Variants in ATP9B observed in about 807,000 individuals in gnomAD.
ATP9B encodes probable phospholipid-transporting ATPase IIB.
ATP9B carries 110 observed loss-of-function variants against 146.1 expected under a neutral mutation model. That is an observed-to-expected ratio of 0.75 (90% CI 0.65 to 0.88). ATP9B has a LOEUF of 0.88. Among genes scored for constraint, ATP9B ranks in the 40% least tolerant of loss-of-function variants. The pLI, the probability that ATP9B is intolerant of heterozygous loss-of-function variation, is 0.00. For synonymous variants in ATP9B, 604 were observed against 569.7 expected (o/e 1.06, Z -0.86); for missense variants, 1,499 against 1,496.4 (o/e 1.00, Z -0.03).
At chr18:79,133,952 C>T (rs1381656636) in intron 5 of ATP9B, among the ~76,000 whole-genome samples, 3 of 152,240 alleles carry the variant, frequency 2.0e-5, no homozygotes, top group African/African-American at 7.2e-5. Context: ...GGACTCCTCA[C>T]TGCTGATACT....
At chr18:79,328,694 T>C (rs1365084886) in intron 15 of ATP9B, among the ~76,000 whole-genome samples, 2 of 152,224 alleles carry the variant, frequency 1.3e-5, no homozygotes, top group Non-Finnish European at 2.9e-5. Context: ...ATTTGTCTCT[T>C]ATTTTAGAAA....
chr18:79,208,741 A>ATG (rs1006257705), intron 10 of ATP9B, among the ~76,000 whole-genome samples: 9 of 151,138 alleles, frequency 6.0e-5, no homozygotes, highest in Middle Eastern at 3.4e-3. Flanking sequence ...TATAAATGTT[A>ATG]TGTGTGTGTG....
chr18:79,157,009 GTGT>G (rs1431863663), intron 7 of ATP9B, among the ~76,000 whole-genome samples: 1 of 152,130 alleles, frequency 6.6e-6, no homozygotes, highest in African/African-American at 2.4e-5. Context: ...GTCCTTCTGT[GTGT>G]TGCTGGGTTT....
chr18:79,170,942 G>A (rs918353303), intron 7 of ATP9B, among the ~76,000 whole-genome samples: 12 of 152,252 alleles, frequency 7.9e-5, no homozygotes, highest in African/African-American at 2.9e-4. Context: ...TTCTTCCCTG[G>A]TTTCTTGTTT....
At chr18:79,074,788 G>A (rs575992792) in intron 1 of ATP9B, among the ~76,000 whole-genome samples, 1 of 152,354 alleles carries the variant, frequency 6.6e-6, no homozygotes, top group Non-Finnish European at 1.5e-5. Context: ...CTTAACTGGG[G>A]AGGAGCAGAG....
In ATP9B at chr18:79,113,287, T is replaced by C; in HGVS notation, c.491T>C (p.Val164Ala). ...TTTTTCTTGAATCTCTATTTTCTAGTAATATCCTGCTCACAGTTTGTACCA... is the reference window on the plus strand; with the variant it reads ...TTTTTCTTGAATCTCTATTTTCTAGCAATATCCTGCTCACAGTTTGTACCA... ...FKFFLNLYFLVISCSQFVPAL... is the reference protein window; with the variant it reads ...FKFFLNLYFLAISCSQFVPAL... The change falls in exon 4 of 30, where the codon GTA becomes GCA. Residue 164 changes from valine to alanine, a missense_variant. Coordinates refer to ENST00000426216, the MANE Select transcript of ATP9B (RefSeq NM_198531.5). 1.9e-6 allele frequency: 3 copies of C among 1,602,310 alleles called. No homozygotes were observed. The highest frequency in any genetic ancestry group is 2.6e-6 in the Non-Finnish European group (3 of 1,170,706).
At chr18:79,334,608 C>T (rs1265659092) in intron 17 of ATP9B, among the ~76,000 whole-genome samples, 10 of 151,458 alleles carry the variant, frequency 6.6e-5, no homozygotes, top group East Asian at 3.9e-4. Flanking sequence ...CTGACAGCCC[C>T]GACACCCCCT....
chr18:79,329,663 A>AT (rs922409727), intron 16 of ATP9B, among the ~76,000 whole-genome samples: 2 of 152,198 alleles, frequency 1.3e-5, no homozygotes, highest in African/African-American at 4.8e-5. Context: ...ACGTACCTTA[A>AT]TTTTTTTAGC....
chr18:79,307,462 C>A, intron 15 of ATP9B: 1 of 573,442 alleles, frequency 1.7e-6, no homozygotes, highest in Non-Finnish European at 3.0e-6. Context: ...CGGCACATCC[C>A]AGAACACCCA....
In ATP9B at chr18:79,311,149, C is replaced by T. The variant is rs144360121; in HGVS notation, c.1773+3915C>T. On this transcript the variant is annotated intron_variant, in intron 15 of 29. Coordinates refer to ENST00000426216, the MANE Select transcript of ATP9B (RefSeq NM_198531.5). ...CCTGGGCGACAGAGCAAGACTCAGT[C>T]TCAAAAAAAAGAAAAGAAATGCTGG... Among the ~76,000 whole-genome samples, 1,146 of 147,504 alleles carry T rather than the reference C, an allele frequency of 7.8e-3. 17 individuals carry two copies. Among genetic ancestry groups the T allele is most frequent in the African/African-American group, 0.028 (1,101 of 39,758 alleles).
At chr18:79,303,977 A>G (rs920025850) in intron 14 of ATP9B, among the ~76,000 whole-genome samples, 1 of 152,228 alleles carries the variant, frequency 6.6e-6, no homozygotes, top group Non-Finnish European at 1.5e-5. Flanking sequence ...TTTGTAAAAA[A>G]TTATTCAGTA....
At chr18:79,083,452 A>G (rs2073474827) in intron 1 of ATP9B, among the ~76,000 whole-genome samples, 1 of 152,118 alleles carries the variant, frequency 6.6e-6, no homozygotes, top group Admixed American at 6.5e-5. Context: ...CCACTGGGGT[A>G]TGAAAAAAGA....
At chr18:79,174,688 A>T (rs2095133911) in intron 7 of ATP9B, among the ~76,000 whole-genome samples, 1 of 152,218 alleles carries the variant, frequency 6.6e-6, no homozygotes, top group African/African-American at 2.4e-5. Context: ...ATTAATTAAT[A>T]CATTCCTTTA....
At chr18:79,094,473 G>T (rs900836711) in intron 1 of ATP9B, among the ~76,000 whole-genome samples, 2 of 152,162 alleles carry the variant, frequency 1.3e-5, no homozygotes, top group African/African-American at 2.4e-5. Flanking sequence ...GAAAAGTTGT[G>T]TGAAAAGAGA....
chr18:79,373,647 G>A (rs768956929), intron 27 of ATP9B, among the ~76,000 whole-genome samples: 2 of 152,016 alleles, frequency 1.3e-5, no homozygotes, highest in South Asian at 2.1e-4. Flanking sequence ...GTGCCACCAC[G>A]CCTGGCTAAT....
chr18:79,275,605 G>A (rs2096299324), intron 12 of ATP9B, among the ~76,000 whole-genome samples: 1 of 152,226 alleles, frequency 6.6e-6, no homozygotes, highest in Admixed American at 6.5e-5. Context: ...CATTTGTTAG[G>A]AGGCACTGGA....
chr18:79,342,365 A>G lies in ATP9B; in HGVS notation c.2381A>G (p.Gln794Arg). 1 of 1,604,838 alleles carries G rather than the reference A, an allele frequency of 6.2e-7. No homozygotes were observed. The highest frequency in any genetic ancestry group is 8.5e-7 in the Non-Finnish European group (1 of 1,171,928). Residue 794 changes from glutamine (Q) to arginine (R), a missense_variant and splice_region_variant, in exon 20 of 30, where the codon CAG becomes CGG. Transcript: ENST00000426216. ...ACACAAGATATTCATATTTTCAGAC[A>G]GGTAAGTATGTATCTTAATCACTTT... The part of the protein sequence containing the change: ...SRTQDIHIFR[Q>R]VTSRGEAHLE...
intron 5 of ATP9B, among the ~76,000 whole-genome samples, chr18:79,131,609 G>A (rs2094379379): frequency 6.6e-6 from 1 of 152,214 alleles, no homozygotes. Flanking sequence ...AAAACACACT[G>A]TCAGTTTCTC....
chr18:79,375,109 G>A (rs947766271), intron 28 of ATP9B, among the ~76,000 whole-genome samples: 2 of 152,252 alleles, frequency 1.3e-5, no homozygotes, highest in South Asian at 4.1e-4. Flanking sequence ...TGCGCCTTCT[G>A]TGCTGAGCTC....
Sources: gnomAD v4.1 joint callset for allele counts (sites outside exome capture counted in the v4.1 genomes callset) on GRCh38, gnomAD v4.1.1 for gene constraint, MANE v1.5 for transcripts, NCBI Gene and HGNC (gene_info 2026-07-23, HGNC 2026-07-21) for gene names.